The following PCDHA2 variants were observed in gnomAD, a reference collection of about 807,000 sequenced individuals.
The protein encoded by PCDHA2 is protocadherin alpha-2.
In PCDHA2, 58 loss-of-function variants were observed where a neutral mutation model predicts 66.0. The ratio of observed to expected loss-of-function variants is 0.88; its 90% CI spans 0.71 to 1.09. PCDHA2 has a LOEUF of 1.09. Among genes scored for constraint, PCDHA2 ranks in the 50% least tolerant of loss-of-function variants. PCDHA2 has a pLI of 0.00. For synonymous variants in PCDHA2, 634 were observed against 554.0 expected (o/e 1.14, Z -2.03); for missense variants, 1,267 against 1,242.3 (o/e 1.02, Z -0.30).
At chr5:140,893,616 G>C (rs1431019657) in intron 1 of PCDHA2, among the ~76,000 whole-genome samples, 3 of 152,188 alleles carry the variant, frequency 2.0e-5, no homozygotes, top group African/African-American at 7.2e-5. Context: ...CATTTCTGAA[G>C]TATAGCTCTG....
chr5:141,002,157 GGGC>G (rs797024683), intron 3 of PCDHA2, among the ~76,000 whole-genome samples: 4 of 152,372 alleles, frequency 2.6e-5, no homozygotes, highest in African/African-American at 9.6e-5. Flanking sequence ...TTAGCAGAGT[GGGC>G]GGTAGGCAGG....
chr5:140,975,396 A>G (rs1366048936), intron 1 of PCDHA2, among the ~76,000 whole-genome samples: 2 of 152,248 alleles, frequency 1.3e-5, no homozygotes, highest in African/African-American at 4.8e-5. Flanking sequence ...GATCCATCAC[A>G]ATCACAGTCT....
intron 1 of PCDHA2, chr5:140,863,232 G>A (rs1283717964): frequency 8.1e-7 from 1 of 1,230,740 alleles, no homozygotes; most frequent in Non-Finnish European, 1.1e-6. Context: ...AGGTCCCATC[G>A]CGGGCTTTGG....
chr5:140,849,023 G>C (rs2150428994), intron 1 of PCDHA2: 1 of 1,586,580 alleles, frequency 6.3e-7, no homozygotes, highest in East Asian at 2.2e-5. Flanking sequence ...GCCCCAATGA[G>C]TATTTCTTCC....
At chr5:140,924,244 C>G (rs1375839311) in intron 1 of PCDHA2, among the ~76,000 whole-genome samples, 1 of 152,152 alleles carries the variant, frequency 6.6e-6, no homozygotes, top group Non-Finnish European at 1.5e-5. Context: ...TGTTTTGCAT[C>G]CTGGTGAGAT....
chr5:140,895,857 G>C (rs1181424868), intron 1 of PCDHA2, among the ~76,000 whole-genome samples: 1 of 152,116 alleles, frequency 6.6e-6, no homozygotes, highest in Admixed American at 6.5e-5. Flanking sequence ...TGTACCCCAG[G>C]CTGGAGTGCA....
At chr5:140,832,176 A>G (rs1421267980) in intron 1 of PCDHA2, among the ~76,000 whole-genome samples, 1 of 152,234 alleles carries the variant, frequency 6.6e-6, no homozygotes, top group African/African-American at 2.4e-5. Flanking sequence ...AGTTTTATGA[A>G]TTCAAAAGAC....
rs1305370888 is a variant in PCDHA2, at chr5:140,852,030, T to C, written c.2388+54678T>C. 9.7e-5 allele frequency: 91 copies of C among 938,230 alleles called. 9 individuals are homozygous for C. The highest frequency in any genetic ancestry group is 9.0e-5 in the Non-Finnish European group (70 of 773,886). The allele number at this position is 938,230 out of a possible 1,614,324, so 58.1% of individuals were successfully genotyped here. A position where few individuals can be genotyped will look rare whatever the true frequency, so the allele number is the denominator to read the frequency against. On this transcript the variant is annotated intron_variant, in intron 1 of 3. Coordinates refer to ENST00000526136, the MANE Select transcript of PCDHA2 (RefSeq NM_018905.3). ...TTTATAGTTTTAAAAACTTCGCTTATTGAGTTTTTGTTATGTGGTTTATAT... is the reference window on the plus strand; with the variant it reads ...TTTATAGTTTTAAAAACTTCGCTTACTGAGTTTTTGTTATGTGGTTTATAT...
chr5:140,801,056 C>T (rs1389230406), intron 1 of PCDHA2: 3 of 1,447,364 alleles, frequency 2.1e-6, no homozygotes, highest in East Asian at 2.4e-5. Context: ...TAACAGCGTG[C>T]ATTACGTATT....
At position 140,951,558 on chromosome 5, in the gene PCDHA2, C is replaced by T. The variant is rs79908970; in HGVS notation, c.2389-27391C>T. On this transcript the variant is annotated intron_variant, in intron 1 of 3. Coordinates refer to ENST00000526136, the MANE Select transcript of PCDHA2 (RefSeq NM_018905.3). The stretch of plus-strand genomic sequence containing the variant: ...GAGCAAGGGACGGGGGGAAGTGCTA[C>T]GCACTTTTAAACAACCAGATTTCAC... Among the ~76,000 whole-genome samples the T allele has an allele frequency of 3.7e-4, 56 of 152,112 alleles. No individual in the cohort carries two copies. In the East Asian group the frequency reaches 9.5e-3, roughly 26 times the overall value.
rs2150151779 is a variant in PCDHA2, at chr5:140,828,170, G to A, written c.2388+30818G>A. 3 of 1,614,168 alleles carry A rather than the reference G, an allele frequency of 1.9e-6. 1 individual carries two copies. The Admixed American group carries it at 5.0e-5, about 27-fold the overall frequency. ...TCTGCTCCTCGCAGCCTGGAAGGTGGGGAGCGGCCAGCTCCACTACTCCGT... is the reference window on the plus strand; with the variant it reads ...TCTGCTCCTCGCAGCCTGGAAGGTGAGGAGCGGCCAGCTCCACTACTCCGT... On this transcript the variant is annotated intron_variant, in intron 1 of 3. Transcript: ENST00000526136.
At chr5:140,876,292 A>G in intron 1 of PCDHA2, 1 of 1,614,080 alleles carries the variant, frequency 6.2e-7, no homozygotes, top group Non-Finnish European at 8.5e-7. Context: ...CGAAGGACTT[A>G]ATGGAGAAAT....
rs1563185469 is a variant in PCDHA2 at position 140,941,211 on chromosome 5, CTTCCTTT to C, written c.2389-37737_2389-37731del. On this transcript the variant is annotated intron_variant, in intron 1 of 3. Coordinates refer to ENST00000526136, the MANE Select transcript of PCDHA2 (RefSeq NM_018905.3). The stretch of plus-strand genomic sequence containing the variant: ...TTTTTTTTTCTTTCTTCCTTTCTTT[CTTCCTTT>C]CTTTCTTTCTTTCTTTCTTTCTTTC... Among the ~76,000 whole-genome samples, 1,009 of 129,652 alleles carry C rather than the reference CTTCCTTT, an allele frequency of 7.8e-3. 14 individuals are homozygous for C. Among genetic ancestry groups the C allele is most frequent in the Middle Eastern group, 0.036 (9 of 248 alleles). 85.1% of individuals were successfully genotyped at this position (129,652 alleles called of 152,430 possible).
intron 1 of PCDHA2, chr5:140,969,531 A>G: frequency 7.4e-7 from 1 of 1,356,026 alleles, no homozygotes; most frequent in South Asian, 1.6e-5. Context: ...TTTATTTTTC[A>G]TTTTCAGAGG....
At chr5:140,919,910 A>C (rs1350361054) in intron 1 of PCDHA2, among the ~76,000 whole-genome samples, 1 of 152,204 alleles carries the variant, frequency 6.6e-6, no homozygotes. Flanking sequence ...GGATGAAATT[A>C]CCCTAAATTT....
At chr5:140,822,633 C>G (rs143650923) in intron 1 of PCDHA2, 5 of 1,610,466 alleles carry the variant, frequency 3.1e-6, no homozygotes, top group Non-Finnish European at 4.2e-6. Flanking sequence ...TTGTTCTTGA[C>G]GATGTAAAGT....
chr5:141,008,022 T>C (rs1355928123), intron 3 of PCDHA2, among the ~76,000 whole-genome samples: 3 of 152,226 alleles, frequency 2.0e-5, no homozygotes, highest in Non-Finnish European at 4.4e-5. Context: ...TCCTTTTTTT[T>C]CTTGTTAATC....
chr5:140,954,290 G>T (rs2095014659), intron 1 of PCDHA2, among the ~76,000 whole-genome samples: 1 of 152,126 alleles, frequency 6.6e-6, no homozygotes, highest in Non-Finnish European at 1.5e-5. Flanking sequence ...ATTCCTTTGG[G>T]TACATACCCA....
At chr5:140,841,736 A>G in intron 1 of PCDHA2, 1 of 1,613,716 alleles carries the variant, frequency 6.2e-7, no homozygotes, top group Non-Finnish European at 8.5e-7. Context: ...AAAAGACCAA[A>G]AGCTGTTTGT....
Sources: allele counts gnomAD v4.1 joint callset (sites outside exome capture counted in the v4.1 genomes callset), GRCh38; gene constraint gnomAD v4.1.1; transcripts MANE v1.5; gene names NCBI Gene and HGNC (gene_info 2026-07-23, HGNC 2026-07-21).